The following FOXK2 variants were observed in gnomAD, a reference collection of about 807,000 sequenced individuals.
FOXK2 encodes forkhead box protein K2.
In FOXK2, 24 loss-of-function variants were observed where a neutral mutation model predicts 53.3. The observed-to-expected ratio is 0.45, with a 90% CI of 0.33 to 0.63. FOXK2 has a LOEUF of 0.63. Among genes scored for constraint, FOXK2 ranks in the 30% least tolerant of loss-of-function variants. The probability of loss-of-function intolerance (pLI) is 0.03; values close to 1 mark genes in which losing one functional copy is unlikely to be tolerated. For synonymous variants in FOXK2, 505 were observed against 407.1 expected (o/e 1.24, Z -2.89); for missense variants, 952 against 910.5 (o/e 1.05, Z -0.59).
At chr17:82,551,335 A>T (rs904870902) in intron 1 of FOXK2, among the ~76,000 whole-genome samples, 14 of 151,102 alleles carry the variant, frequency 9.3e-5, no homozygotes, top group Admixed American at 5.9e-4. Flanking sequence ...AAATTAAAAA[A>T]AAAATAAAAA....
At chr17:82,545,987 T>A (rs540931939) in intron 1 of FOXK2, among the ~76,000 whole-genome samples, 1 of 152,288 alleles carries the variant, frequency 6.6e-6, no homozygotes, top group East Asian at 1.9e-4. Flanking sequence ...CTGCCTCAAC[T>A]TTTGACATTT....
At chr17:82,581,862 G>A (rs553186895) in intron 4 of FOXK2, among the ~76,000 whole-genome samples, 63 of 152,240 alleles carry the variant, frequency 4.1e-4, no homozygotes, top group African/African-American at 1.3e-3. Context: ...CGCTGCGCCC[G>A]TCTGGCTTTT....
chr17:82,534,105 A>T (rs1395670362), intron 1 of FOXK2, among the ~76,000 whole-genome samples: 3 of 151,300 alleles, frequency 2.0e-5, no homozygotes, highest in Non-Finnish European at 4.4e-5. Context: ...AAATAGCCAG[A>T]TGTTGTGGCA....
At chr17:82,537,357 T>C (rs2044530429) in intron 1 of FOXK2, among the ~76,000 whole-genome samples, 3 of 152,126 alleles carry the variant, frequency 2.0e-5, no homozygotes, top group Admixed American at 2.0e-4. Context: ...TGAAAAATTA[T>C]CCATTGCCGG....
intron 8 of FOXK2, among the ~76,000 whole-genome samples, chr17:82,598,062 G>A (rs1408404082): frequency 1.3e-5 from 2 of 150,020 alleles, no homozygotes; most frequent in African/African-American, 2.4e-5. Flanking sequence ...ACTCGTGATC[G>A]GCACATCCGT....
chr17:82,567,925 C>CATTTTTTTTTTTTTTTTTTTTTTTT (rs2044869363), intron 2 of FOXK2, 129 bp from the exon 3 acceptor site: 1 of 595,530 alleles, frequency 1.7e-6, no homozygotes. Context: ...ATATTCTCTT[C>CATTTTTTTTTTTTTTTTTTTTTTTT]CTTTTTTTTT....
At chr17:82,578,389 TC>T (rs2045015994) in intron 4 of FOXK2, 1 of 152,242 alleles carries the variant, frequency 6.6e-6, no homozygotes, top group Admixed American at 6.5e-5. Context: ...GAATTGCAAA[TC>T]CTTTTCTTCA....
At chr17:82,588,543 G>A in intron 8 of FOXK2, 1 of 155,896 alleles carries the variant, frequency 6.4e-6, no homozygotes, top group South Asian at 1.7e-4. Flanking sequence ...TGAAGACAAG[G>A]CAGAGGCCTA....
intron 1 of FOXK2, among the ~76,000 whole-genome samples, chr17:82,553,702 A>G (rs1292193788): frequency 6.6e-6 from 1 of 152,206 alleles, no homozygotes; most frequent in African/African-American, 2.4e-5. Flanking sequence ...CCCTTAAGAC[A>G]TGAACCACCA....
chr17:82,595,884 A>G (rs1362975668), intron 8 of FOXK2: 6 of 1,285,134 alleles, frequency 4.7e-6, no homozygotes, highest in Middle Eastern at 2.1e-4. Context: ...GCTTCTGGAG[A>G]CAAGAGCAAA....
Position 82,602,494 on chromosome 17 carries a change from G to T in FOXK2, c.*995G>T, listed in dbSNP as rs1394218683. The T allele has an allele frequency of 1.3e-5, 2 of 152,250 alleles. No individual in the cohort carries two copies. The highest frequency in any genetic ancestry group is 1.3e-4 in the Admixed American group (2 of 15,290). 9.4% of individuals were successfully genotyped at this position (152,250 alleles called of 1,614,324 possible). A position where few individuals can be genotyped will look rare whatever the true frequency, so the allele number is the denominator to read the frequency against. On this transcript the variant is annotated 3_prime_UTR_variant, in exon 9 of 9. Coordinates refer to ENST00000335255, the MANE Select transcript of FOXK2 (RefSeq NM_004514.4). ...TGAAACTCAGATCCCAGGTCTCTCCGTGGTATGTTTGTATTTGGGGTGTCC... is the reference window on the plus strand; with the variant it reads ...TGAAACTCAGATCCCAGGTCTCTCCTTGGTATGTTTGTATTTGGGGTGTCC...
intron 1 of FOXK2, among the ~76,000 whole-genome samples, chr17:82,553,084 C>T (rs1448821040): frequency 2.6e-5 from 4 of 152,090 alleles, no homozygotes; most frequent in South Asian, 2.1e-4. Context: ...TACAGTCACG[C>T]GCCACCACAC....
chr17:82,595,307 G>A (rs762349499), intron 8 of FOXK2, among the ~76,000 whole-genome samples: 15 of 152,190 alleles, frequency 9.9e-5, no homozygotes, highest in Admixed American at 2.6e-4. Flanking sequence ...CAGGTTCTAC[G>A]GCTTTTGTCT....
chr17:82,562,145 A>G (rs1344619153), intron 1 of FOXK2, among the ~76,000 whole-genome samples: 1 of 152,126 alleles, frequency 6.6e-6, no homozygotes, highest in Non-Finnish European at 1.5e-5. Flanking sequence ...TTGTTTGGTT[A>G]TGTTTTACTT....
intron 2 of FOXK2, among the ~76,000 whole-genome samples, chr17:82,567,247 A>G (rs905404458): frequency 1.3e-5 from 2 of 152,166 alleles, no homozygotes; most frequent in African/African-American, 4.8e-5. Flanking sequence ...TCTCTGACTT[A>G]TAAGATAATC....
rs927250561 is a variant in FOXK2, at chr17:82,584,263, A to C, written c.1279+75A>C. ...CGGACGCCTGGGCTCCACAGAGAAG[A>C]AACAGCCGGACTGGAGGCCTGCCTG... On this transcript the variant is annotated intron_variant, in intron 6 of 8. Transcript: ENST00000335255. 3 of 1,433,624 alleles carry C rather than the reference A, an allele frequency of 2.1e-6. No individual in the cohort carries two copies. The African/African-American group carries it at 4.3e-5, about 20-fold the overall frequency. The allele number at this position is 1,433,624 out of a possible 1,614,324, so 88.8% of individuals were successfully genotyped here. A position where few individuals can be genotyped will look rare whatever the true frequency, so the allele number is the denominator to read the frequency against.
At chr17:82,540,468 C>T (rs545447189) in intron 1 of FOXK2, among the ~76,000 whole-genome samples, 4 of 152,080 alleles carry the variant, frequency 2.6e-5, no homozygotes, top group Non-Finnish European at 5.9e-5. Flanking sequence ...TCCAGTGATC[C>T]CATGTCTATA....
chr17:82,576,888 G>C, intron 4 of FOXK2: 1 of 472,914 alleles, frequency 2.1e-6, no homozygotes, highest in Non-Finnish European at 3.8e-6. Flanking sequence ...GGCTGGGTGC[G>C]GTGGCTCACG....
chr17:82,557,066 G>A (rs757487699), intron 1 of FOXK2, among the ~76,000 whole-genome samples: 75 of 148,068 alleles, frequency 5.1e-4, no homozygotes, highest in Non-Finnish European at 8.8e-4. Flanking sequence ...AGTTGCTCTT[G>A]TTGCCCAGGC....
Sources: gnomAD v4.1 joint callset for allele counts (sites outside exome capture counted in the v4.1 genomes callset) on GRCh38, gnomAD v4.1.1 for gene constraint, MANE v1.5 for transcripts, NCBI Gene and HGNC (gene_info 2026-07-23, HGNC 2026-07-21) for gene names.